The following ZMYM2 variants were observed in gnomAD, a reference collection of about 807,000 sequenced individuals.
The protein encoded by ZMYM2 is zinc finger MYM-type containing 2.
A neutral mutation model predicts 162.8 loss-of-function variants in ZMYM2; 56 were observed. The observed-to-expected ratio is 0.34, with a 90% CI of 0.28 to 0.43. ZMYM2 has a LOEUF of 0.43. ZMYM2 is among the 20% of genes least tolerant of loss of function. The pLI is 1.00. For missense variants in ZMYM2, 1,275 were observed against 1,621.8 expected (o/e 0.79, Z 3.67); for synonymous variants, 510 against 541.6 (o/e 0.94, Z 0.81).
Position 20,070,290 on chromosome 13 carries a change from G to T in ZMYM2, c.3453+2900G>T, listed in dbSNP as rs750449824. 2.4e-5 allele frequency: 5 copies of T among 211,818 alleles called. No homozygotes were observed. The South Asian group carries it at 3.6e-4, about 15-fold the overall frequency. The allele number at this position is 211,818 out of a possible 1,614,324, so 13.1% of individuals were successfully genotyped here. On this transcript the variant is annotated intron_variant, in intron 21 of 24. Coordinates refer to ENST00000610343, the MANE Select transcript of ZMYM2 (RefSeq NM_197968.4). The stretch of plus-strand genomic sequence containing the variant: ...CCACTAGCCAGTTCGTTATCAATCT[G>T]ACTTTCTGGCTGTGGTGGTGGGAAT...
At chr13:19,883,852 G>A in the ZMYM2 span, among the ~76,000 whole-genome samples, 1 of 152,166 alleles carries the variant, frequency 6.6e-6, no homozygotes, top group Admixed American at 6.6e-5. Flanking sequence ...CACCTCCCAA[G>A]TTTGAGTAAC....
chr13:19,934,810 A>G, the ZMYM2 span, among the ~76,000 whole-genome samples: 2 of 145,646 alleles, frequency 1.4e-5, no homozygotes, highest in Non-Finnish European at 3.0e-5. Flanking sequence ...TCTGTTGCCC[A>G]CGCTGGAGTC....
At chr13:19,893,322 G>A in the ZMYM2 span, among the ~76,000 whole-genome samples, 17 of 151,800 alleles carry the variant, frequency 1.1e-4, no homozygotes, top group Non-Finnish European at 2.2e-4. Context: ...AGAAAAGAGT[G>A]TTAGTAATTT....
chr13:19,965,091 A>G, intron 2 of ZMYM2: 1 of 423,626 alleles, frequency 2.4e-6, no homozygotes, highest in Non-Finnish European at 3.7e-6. Context: ...TATAATAAAA[A>G]AAAAAAAAGA....
the ZMYM2 span, among the ~76,000 whole-genome samples, chr13:19,867,380 A>G: frequency 6.6e-6 from 1 of 152,100 alleles, no homozygotes; most frequent in African/African-American, 2.4e-5. Flanking sequence ...TTGTCTTACA[A>G]TATTCTTAAA....
chr13:20,059,352 T>C, intron 15 of ZMYM2, 95 bp from the exon 16 acceptor site: 1 of 1,321,468 alleles, frequency 7.6e-7, no homozygotes, highest in Non-Finnish European at 1.0e-6. Context: ...GGTACTGAGG[T>C]AGTTAAATTT....
chr13:19,948,260 C>T, the ZMYM2 span, among the ~76,000 whole-genome samples: 2 of 152,252 alleles, frequency 1.3e-5, no homozygotes, highest in African/African-American at 4.8e-5. Context: ...TTTGCCCAAA[C>T]GAGTTGAAAA....
intron 6 of ZMYM2, among the ~76,000 whole-genome samples, chr13:20,010,110 T>C (rs1363853703): frequency 6.6e-6 from 1 of 152,242 alleles, no homozygotes; most frequent in Non-Finnish European, 1.5e-5. Flanking sequence ...CTTGTAGATA[T>C]CTTAGTGCAT....
the ZMYM2 span, among the ~76,000 whole-genome samples, chr13:19,918,447 AAAAC>A: frequency 3.3e-5 from 5 of 151,920 alleles, no homozygotes; most frequent in Admixed American, 3.3e-4. Context: ...TCTGCCTCAA[AAAAC>A]AAACAACCAA....
intron 2 of ZMYM2, among the ~76,000 whole-genome samples, chr13:19,973,528 G>C (rs1956508059): frequency 6.6e-6 from 1 of 151,804 alleles, no homozygotes; most frequent in Non-Finnish European, 1.5e-5. Context: ...AAAATTAGCA[G>C]GGCGTGGTGG....
chr13:20,052,387 G>T, intron 14 of ZMYM2, 76 bp downstream of exon 14: 1 of 1,385,888 alleles, frequency 7.2e-7, no homozygotes, highest in Non-Finnish European at 9.8e-7. Flanking sequence ...CCAATTTAAT[G>T]TGATCATAAT....
the ZMYM2 span, among the ~76,000 whole-genome samples, chr13:19,888,414 C>G: frequency 2.0e-5 from 3 of 151,872 alleles, no homozygotes; most frequent in Admixed American, 1.3e-4. Flanking sequence ...GTCTCAAACT[C>G]CTAGGCTCAA....
intron 3 of ZMYM2, among the ~76,000 whole-genome samples, chr13:19,994,590 A>G (rs74881105): frequency 6.6e-6 from 1 of 151,958 alleles, no homozygotes; most frequent in African/African-American, 2.4e-5. Flanking sequence ...CCTGTGTTCA[A>G]GCGATTCTCC....
the ZMYM2 span, among the ~76,000 whole-genome samples, chr13:19,909,545 G>A: frequency 1.2e-4 from 18 of 146,104 alleles, no homozygotes; most frequent in Admixed American, 2.1e-4. Context: ...CGATTCTCCC[G>A]CCTCAGCCTC....
chr13:20,083,630 G>T, intron 23 of ZMYM2, 26 bp from the exon 24 acceptor site: 2 of 1,453,248 alleles, frequency 1.4e-6, no homozygotes, highest in African/African-American at 1.4e-5. Flanking sequence ...TAGTTTAGGA[G>T]GTTTATTTCA....
At chr13:19,923,463 C>T in the ZMYM2 span, among the ~76,000 whole-genome samples, 2 of 148,016 alleles carry the variant, frequency 1.4e-5, no homozygotes, top group Non-Finnish European at 1.5e-5. Flanking sequence ...TCCTTTTCTA[C>T]AATGTATCAA....
At chr13:19,895,213 G>A in the ZMYM2 span, among the ~76,000 whole-genome samples, 14,742 of 151,678 alleles carry the variant, frequency 0.097, 939 homozygotes, top group African/African-American at 0.15. Flanking sequence ...GTAGGAATGT[G>A]AAATGATGCA....
intron 12 of ZMYM2, among the ~76,000 whole-genome samples, chr13:20,041,548 T>A (rs1245940541): frequency 2.0e-5 from 3 of 152,194 alleles, no homozygotes; most frequent in Non-Finnish European, 4.4e-5. Context: ...CCTGTTTACA[T>A]TTAAGGTTAG....
the ZMYM2 span, among the ~76,000 whole-genome samples, chr13:19,883,748 T>C: frequency 2.0e-5 from 3 of 152,188 alleles, no homozygotes; most frequent in East Asian, 3.8e-4. Flanking sequence ...AATATTCTCA[T>C]GGTATATATA....
Sources: gnomAD v4.1 joint callset for allele counts (sites outside exome capture counted in the v4.1 genomes callset) on GRCh38, gnomAD v4.1.1 for gene constraint, MANE v1.5 for transcripts, NCBI Gene and HGNC (gene_info 2026-07-23, HGNC 2026-07-21) for gene names.